Variants in NRXN3 observed in about 807,000 individuals in gnomAD.
NRXN3 encodes neurexin III.
NRXN3 carries 32 observed loss-of-function variants against 137.6 expected under a neutral mutation model. The ratio of observed to expected loss-of-function variants is 0.23; its 90% CI spans 0.18 to 0.31. The LOEUF (loss-of-function observed/expected upper bound fraction) is 0.31. Ranked by LOEUF, NRXN3 falls within the 10% of genes least tolerant of loss-of-function variation. The pLI is 1.00. For missense variants in NRXN3, 1,574 were observed against 2,062.5 expected, an observed-to-expected ratio of 0.76 and a Z score of 4.59; for synonymous variants, 798 against 784.5, an observed-to-expected ratio of 1.02 and a Z score of -0.29.
At chr14:79,075,820 C>T (rs188613965) in intron 15 of NRXN3, among the ~76,000 whole-genome samples, 25 of 152,204 alleles carry the variant, frequency 1.6e-4, no homozygotes, top group Admixed American at 1.3e-3. Context: ...GGCGGGGAGG[C>T]AGGAGAGGAA....
At chr14:79,058,734 G>T (rs1370972914) in intron 15 of NRXN3, among the ~76,000 whole-genome samples, 2 of 152,154 alleles carry the variant, frequency 1.3e-5, no homozygotes, top group Non-Finnish European at 2.9e-5. Flanking sequence ...TAGTCCGCAA[G>T]TGTTGAGGGA....
chr14:79,078,235 C>T (rs902667778), intron 15 of NRXN3, among the ~76,000 whole-genome samples: 2 of 152,068 alleles, frequency 1.3e-5, no homozygotes, highest in Non-Finnish European at 2.9e-5. Flanking sequence ...TTTTGTCAAA[C>T]TTATGACCAT....
At chr14:79,077,929 A>T (rs541397080) in intron 15 of NRXN3, among the ~76,000 whole-genome samples, 1 of 152,120 alleles carries the variant, frequency 6.6e-6, no homozygotes, top group African/African-American at 2.4e-5. Flanking sequence ...GGGGCTTTCC[A>T]TTTGATTTCA....
chr14:78,316,480 C>A (rs1317643835), intron 4 of NRXN3, among the ~76,000 whole-genome samples: 1 of 152,118 alleles, frequency 6.6e-6, no homozygotes, highest in Non-Finnish European at 1.5e-5. Context: ...TCTTAACTTG[C>A]TTTACCTGCC....
At chr14:79,629,826 C>CGT (rs543719888) in intron 16 of NRXN3, among the ~76,000 whole-genome samples, 15 of 71,158 alleles carry the variant, frequency 2.1e-4, no homozygotes, top group East Asian at 8.4e-4. Flanking sequence ...TGTGTGTGTG[C>CGT]GTGTGTGTGT....
At chr14:78,863,000 C>A (rs1216234693) in intron 10 of NRXN3, among the ~76,000 whole-genome samples, 1 of 152,100 alleles carries the variant, frequency 6.6e-6, no homozygotes, top group African/African-American at 2.4e-5. Context: ...ATGGAAATTG[C>A]TGTTGATGAA....
chr14:79,860,278 T>C (rs757933928), intron 20 of NRXN3, among the ~76,000 whole-genome samples: 1 of 152,218 alleles, frequency 6.6e-6, no homozygotes, highest in South Asian at 2.1e-4. Flanking sequence ...CTAGGCTGAG[T>C]ATTTTGAAAA....
At chr14:78,810,023 G>GA (rs5809907) in intron 9 of NRXN3, among the ~76,000 whole-genome samples, 192 of 147,784 alleles carry the variant, frequency 1.3e-3, no homozygotes, top group African/African-American at 4.0e-3. Context: ...AGCTTTTTTT[G>GA]AAAAAAAAAA....
chr14:79,395,350 G>A (rs547003414), intron 15 of NRXN3, among the ~76,000 whole-genome samples: 51 of 152,248 alleles, frequency 3.3e-4, no homozygotes, highest in African/African-American at 1.2e-3. Flanking sequence ...GGTATGTAAG[G>A]CATTTGATTC....
chr14:79,607,613 C>T (rs1240351280), intron 16 of NRXN3, among the ~76,000 whole-genome samples: 1 of 151,624 alleles, frequency 6.6e-6, no homozygotes, highest in Non-Finnish European at 1.5e-5. Context: ...AGGGAATAAA[C>T]ATTTTCAGGA....
intron 15 of NRXN3, among the ~76,000 whole-genome samples, chr14:79,229,706 G>A (rs1047006927): frequency 6.6e-6 from 1 of 152,082 alleles, no homozygotes; most frequent in African/African-American, 2.4e-5. Context: ...TCTCCCAGTG[G>A]AGAGCAGCTC....
chr14:79,112,224 G>A (rs945464872), intron 15 of NRXN3, among the ~76,000 whole-genome samples: 3 of 152,188 alleles, frequency 2.0e-5, no homozygotes, highest in African/African-American at 7.2e-5. Flanking sequence ...TGCAGAACTA[G>A]CCCTTCTCTC....
intron 15 of NRXN3, among the ~76,000 whole-genome samples, chr14:79,285,976 T>C (rs2082183354): frequency 6.7e-6 from 1 of 148,940 alleles, no homozygotes; most frequent in South Asian, 2.1e-4. Flanking sequence ...TCAGTGACAA[T>C]GGTTGCAATT....
At chr14:79,572,005 A>G (rs1267452764) in intron 16 of NRXN3, among the ~76,000 whole-genome samples, 2 of 152,184 alleles carry the variant, frequency 1.3e-5, no homozygotes, top group Non-Finnish European at 2.9e-5. Flanking sequence ...TTTTACTACC[A>G]AAGTCAAATT....
Position 79,367,208 on chromosome 14 carries a change from C to G in NRXN3, c.3263-100013C>G, listed in dbSNP as rs1021878338. On this transcript the variant is annotated intron_variant, in intron 15 of 20. Transcript: ENST00000335750. ...CTGTGTTAGCCAGGATGGTCTCGAT[C>G]TCCTGACCTCGTGATCCACCAGCCT... 5.1e-4 allele frequency among the ~76,000 whole-genome samples: 78 copies of G among 152,236 alleles called. 1 individual carries two copies. Among genetic ancestry groups the G allele is most frequent in the Middle Eastern group, 3.4e-3 (1 of 292 alleles).
chr14:79,416,266 T>G (rs549946936), intron 15 of NRXN3, among the ~76,000 whole-genome samples: 7 of 152,282 alleles, frequency 4.6e-5, no homozygotes, highest in Non-Finnish European at 1.0e-4. Context: ...ATGTGGTTGA[T>G]CAGCTTTTCA....
At chr14:79,512,087 TG>T (rs1351167671) in intron 16 of NRXN3, among the ~76,000 whole-genome samples, 2 of 152,092 alleles carry the variant, frequency 1.3e-5, no homozygotes, top group East Asian at 1.9e-4. Flanking sequence ...TTAGTAGAGA[TG>T]GGGTTTCACC....
intron 2 of NRXN3, among the ~76,000 whole-genome samples, chr14:78,261,900 C>G (rs748808365): frequency 1.4e-4 from 22 of 152,208 alleles, no homozygotes; most frequent in Admixed American, 3.9e-4. Context: ...CAAGCACAAT[C>G]AGGGGTGATC....
At chr14:78,537,276 C>T (rs2096545389) in intron 4 of NRXN3, among the ~76,000 whole-genome samples, 1 of 152,142 alleles carries the variant, frequency 6.6e-6, no homozygotes, top group South Asian at 2.1e-4. Flanking sequence ...CTTTTGTTTC[C>T]TGACTTTTTA....
Sources: allele counts gnomAD v4.1 joint callset (sites outside exome capture counted in the v4.1 genomes callset), GRCh38; gene constraint gnomAD v4.1.1; transcripts MANE v1.5; gene names NCBI Gene and HGNC (gene_info 2026-07-23, HGNC 2026-07-21).